RBM6: variants seen among roughly 807,000 people sequenced by gnomAD.
The protein encoded by RBM6 is RNA binding motif protein 6.
Under a neutral mutation model 140.4 loss-of-function variants are expected in RBM6, and 23 were observed. The observed-to-expected ratio is 0.16, with a 90% confidence interval of 0.12 to 0.23. The LOEUF is 0.23. RBM6 is among the 10% of genes least tolerant of loss of function. The pLI, the probability that RBM6 is intolerant of heterozygous loss-of-function variation, is 1.00. For missense variants in RBM6, 1,139 were observed against 1,386.7 expected (o/e 0.82, Z 2.84); for synonymous variants, 439 against 475.6 (o/e 0.92, Z 1.00).
chr3:50,026,901 C>CAAAA (rs139771207), intron 6 of RBM6, among the ~76,000 whole-genome samples: 14 of 119,550 alleles, frequency 1.2e-4, no homozygotes, highest in Non-Finnish European at 1.8e-4. Flanking sequence ...CTTGTCTCAC[C>CAAAA]AAAAAAAAAA....
intron 19 of RBM6, among the ~76,000 whole-genome samples, chr3:50,074,918 C>T (rs1315266318): frequency 1.3e-5 from 2 of 151,910 alleles, no homozygotes; most frequent in African/African-American, 4.8e-5. Flanking sequence ...GAGGCCAAGG[C>T]ATGCGGATTA....
At chr3:50,033,752 C>T (rs892248289) in intron 6 of RBM6, among the ~76,000 whole-genome samples, 4 of 152,114 alleles carry the variant, frequency 2.6e-5, no homozygotes, top group Non-Finnish European at 4.4e-5. Context: ...TCAAGTAATT[C>T]TGCCTCAGCC....
At chr3:49,943,641 A>G (rs930435252) in intron 1 of RBM6, among the ~76,000 whole-genome samples, 2 of 151,896 alleles carry the variant, frequency 1.3e-5, no homozygotes, top group Non-Finnish European at 2.9e-5. Flanking sequence ...TTTTGTGGAG[A>G]CAGGGTCTCC....
At chr3:50,000,716 G>C (rs1443969637) in intron 6 of RBM6, among the ~76,000 whole-genome samples, 1 of 152,120 alleles carries the variant, frequency 6.6e-6, no homozygotes, top group African/African-American at 2.4e-5. Flanking sequence ...ACCGTGCCCA[G>C]CCAGGCCCAG....
intron 7 of RBM6, 22 bp from the exon 8 acceptor site, chr3:50,054,313 T>C (rs1320233763): frequency 1.9e-6 from 3 of 1,588,724 alleles, no homozygotes; most frequent in Non-Finnish European, 2.6e-6. Flanking sequence ...TTCAGTCAAA[T>C]TGATTTCCTT....
chr3:49,991,918 C>T (rs2085843330), intron 5 of RBM6, among the ~76,000 whole-genome samples: 1 of 132,848 alleles, frequency 7.5e-6, no homozygotes, highest in African/African-American at 2.7e-5. Flanking sequence ...ATCCCAGAGC[C>T]TTTATTTTAT....
At position 50,039,492 on chromosome 3, in the gene RBM6, C is replaced by G. The variant is rs925004580; in HGVS notation, c.1558-8753C>G. Among the ~76,000 whole-genome samples the G allele has an allele frequency of 4.9e-5, 7 of 141,758 alleles. No individual in the cohort carries two copies. The East Asian group carries it at 1.2e-3, about 24-fold the overall frequency. The allele number at this position is 141,758 out of a possible 152,430, so 93.0% of individuals were successfully genotyped here. A position where few individuals can be genotyped will look rare whatever the true frequency, so the allele number is the denominator to read the frequency against. ...GACCTCAGGTGATCCACCCCCCCCC[C>G]CCCCACCCTTGGTCTCCCAAAGTGC... On this transcript the variant is annotated intron_variant, in intron 6 of 20. Transcript: ENST00000266022.
At chr3:50,058,178 G>A (rs1196989707) in intron 9 of RBM6, among the ~76,000 whole-genome samples, 175 bp downstream of exon 9, 1 of 152,160 alleles carries the variant, frequency 6.6e-6, no homozygotes, top group African/African-American at 2.4e-5. Flanking sequence ...AGGAATCTAT[G>A]CCCTTCAAAT....
chr3:50,020,218 C>A (rs1288050381), intron 6 of RBM6, among the ~76,000 whole-genome samples: 1 of 152,134 alleles, frequency 6.6e-6, no homozygotes, highest in Non-Finnish European at 1.5e-5. Context: ...AGCCACTATG[C>A]CCAGCCTCAT....
chr3:49,986,466 G>T (rs1358779861), intron 5 of RBM6, among the ~76,000 whole-genome samples: 1 of 151,532 alleles, frequency 6.6e-6, no homozygotes, highest in Non-Finnish European at 1.5e-5. Context: ...ATGGTGGCGG[G>T]CTCCTGTAGT....
intron 6 of RBM6, among the ~76,000 whole-genome samples, chr3:50,029,855 G>A (rs923577218): frequency 1.4e-5 from 2 of 139,810 alleles, no homozygotes; most frequent in South Asian, 2.3e-4. Context: ...AAACCTCATC[G>A]CTATAAAAAT....
intron 6 of RBM6, among the ~76,000 whole-genome samples, chr3:50,040,563 CAT>C (rs745707930): frequency 3.4e-4 from 50 of 146,612 alleles, no homozygotes; most frequent in Admixed American, 4.8e-4. Context: ...TATACACACA[CAT>C]GTATATCTAT....
intron 5 of RBM6, among the ~76,000 whole-genome samples, chr3:49,993,700 C>CT (rs1278990286): frequency 2.1e-5 from 3 of 145,278 alleles, no homozygotes; most frequent in Non-Finnish European, 3.1e-5. Context: ...TTTCATTTTT[C>CT]TTTAAAAAAA....
At chr3:49,942,237 C>A (rs1350809089) in intron 1 of RBM6, among the ~76,000 whole-genome samples, 1 of 151,990 alleles carries the variant, frequency 6.6e-6, no homozygotes, top group Non-Finnish European at 1.5e-5. Context: ...CGCCTGTAAT[C>A]CCAGCACTTT....
chr3:49,953,908 T>C (rs1050990079), intron 1 of RBM6, among the ~76,000 whole-genome samples: 1 of 151,234 alleles, frequency 6.6e-6, no homozygotes, highest in Admixed American at 6.6e-5. Flanking sequence ...GGAGGCGGGG[T>C]AATCGCCTGA....
At chr3:50,011,839 C>CTTTTTTTTT (rs201167549) in intron 6 of RBM6, among the ~76,000 whole-genome samples, 5 of 143,674 alleles carry the variant, frequency 3.5e-5, no homozygotes, top group African/African-American at 5.1e-5. Context: ...TCTTTTCTTT[C>CTTTTTTTTT]TTTTTTTTTT....
chr3:49,947,138 G>A (rs2083524808), intron 1 of RBM6, among the ~76,000 whole-genome samples: 1 of 149,506 alleles, frequency 6.7e-6, no homozygotes, highest in African/African-American at 2.5e-5. Flanking sequence ...TGTAGTCCCA[G>A]CTACTCGGGA....
chr3:50,039,544 C>G (rs1467168261), intron 6 of RBM6, among the ~76,000 whole-genome samples: 2 of 150,970 alleles, frequency 1.3e-5, no homozygotes, highest in African/African-American at 4.9e-5. Context: ...GGCCACCGCA[C>G]CCAGCATACG....
Position 49,975,344 on chromosome 3 carries a change from C to T in RBM6, c.1435C>T (p.Pro479Ser). The T allele has an allele frequency of 6.2e-7, 1 of 1,613,672 alleles. No individual in the cohort carries two copies. The highest frequency in any genetic ancestry group is 8.5e-7 in the Non-Finnish European group (1 of 1,179,618). ...KEEILNAFRT[P>S]DGMPVKNLQL... ...GCAGATTCTTAATGCTTTTCGGACT[C>T]CTGATGGCATGCCTGTAAAGAACTT... The change falls in exon 5 of 21, where the codon CCT becomes TCT. Residue 479 changes from proline to serine, a missense_variant. Around this residue, in one of 9 missense-constraint regions of RBM6, gnomAD observed 566 missense variants for 612.7 expected, o/e 0.92. Coordinates refer to ENST00000266022, the MANE Select transcript of RBM6 (RefSeq NM_005777.3).
Sources: allele counts gnomAD v4.1 joint callset (sites outside exome capture counted in the v4.1 genomes callset), GRCh38; gene constraint gnomAD v4.1.1; regional missense constraint gnomAD v4.1.1; transcripts MANE v1.5; gene names NCBI Gene and HGNC (gene_info 2026-07-23, HGNC 2026-07-21).